EYA2: variants seen among roughly 807,000 people sequenced by gnomAD.
The protein encoded by EYA2 is protein phosphatase EYA2.
Under a neutral mutation model 69.2 loss-of-function variants are expected in EYA2, and 31 were observed. The observed-to-expected ratio is 0.45, with a 90% confidence interval of 0.34 to 0.60. The LOEUF is 0.60. Among genes scored for constraint, EYA2 ranks in the 20% least tolerant of loss-of-function variants. The pLI is 0.02. For synonymous variants in EYA2, 257 were observed against 279.4 expected (o/e 0.92, Z 0.80); for missense variants, 622 against 701.2 (o/e 0.89, Z 1.28).
intron 1 of EYA2, among the ~76,000 whole-genome samples, chr20:46,940,792 C>G (rs1986123066): frequency 6.6e-6 from 1 of 152,174 alleles, no homozygotes; most frequent in African/African-American, 2.4e-5. Flanking sequence ...TCCTGCTGAC[C>G]AGGCCTGAGC....
chr20:46,907,835 A>AAAACAAACAAACAAAC (rs60032049), intron 1 of EYA2, among the ~76,000 whole-genome samples: 1 of 150,346 alleles, frequency 6.7e-6, no homozygotes, highest in Non-Finnish European at 1.5e-5. Flanking sequence ...ACTCCATCTG[A>AAAACAAACAAACAAAC]AAACAAACAA....
At chr20:47,043,486 C>T (rs1219533696) in intron 5 of EYA2, among the ~76,000 whole-genome samples, 7 of 152,118 alleles carry the variant, frequency 4.6e-5, no homozygotes, top group South Asian at 2.1e-4. Context: ...GGGTGCAGGC[C>T]GCATTCTTTT....
intron 9 of EYA2, among the ~76,000 whole-genome samples, chr20:47,140,900 G>A (rs1252843903): frequency 6.6e-6 from 1 of 152,164 alleles, no homozygotes; most frequent in Non-Finnish European, 1.5e-5. Context: ...GGGAGTCAAC[G>A]TGTGCAAAGA....
intron 10 of EYA2, chr20:47,167,159 G>T (rs1271830006): frequency 6.5e-6 from 1 of 154,524 alleles, no homozygotes; most frequent in Non-Finnish European, 1.5e-5. Context: ...CTGAAAAGTG[G>T]GTGTATTTGT....
At chr20:46,926,548 GCCCACCCACTT>G (rs1317967617) in intron 1 of EYA2, among the ~76,000 whole-genome samples, 1 of 152,154 alleles carries the variant, frequency 6.6e-6, no homozygotes, top group East Asian at 1.9e-4. Flanking sequence ...ATTGGATGGT[GCCCACCCACTT>G]TGGGGAGGGC....
intron 10 of EYA2, among the ~76,000 whole-genome samples, chr20:47,158,187 G>A (rs1316654432): frequency 6.6e-6 from 1 of 151,936 alleles, no homozygotes; most frequent in Non-Finnish European, 1.5e-5. Flanking sequence ...CCTGCAAGCA[G>A]ATAGAATAAC....
At chr20:47,045,754 CA>C (rs2146424251) in intron 5 of EYA2, among the ~76,000 whole-genome samples, 1 of 152,304 alleles carries the variant, frequency 6.6e-6, no homozygotes, top group South Asian at 2.1e-4. Context: ...TTTTCAGCAT[CA>C]ATGGTATATG....
chr20:47,100,849 T>C (rs1469205459), intron 9 of EYA2, among the ~76,000 whole-genome samples: 1 of 152,236 alleles, frequency 6.6e-6, no homozygotes. Flanking sequence ...CAAGTTTATT[T>C]CACTCCCCTG....
chr20:47,135,506 GAGTTA>G (rs1476288714), intron 9 of EYA2, among the ~76,000 whole-genome samples: 1 of 151,300 alleles, frequency 6.6e-6, no homozygotes, highest in Non-Finnish European at 1.5e-5. Flanking sequence ...ATTCAGCCAG[GAGTTA>G]AGTTATGAAG....
intron 15 of EYA2, 75 bp downstream of exon 15, chr20:47,183,466 A>G (rs749959143): frequency 1.9e-5 from 26 of 1,346,988 alleles, no homozygotes; most frequent in Middle Eastern, 1.8e-4. Flanking sequence ...GGCTCCTTCC[A>G]TGATTTCCTC....
At chr20:46,938,383 A>T (rs1019692149) in intron 1 of EYA2, among the ~76,000 whole-genome samples, 2 of 152,246 alleles carry the variant, frequency 1.3e-5, no homozygotes, top group African/African-American at 4.8e-5. Flanking sequence ...AAGTTACCCC[A>T]AACTTTAATA....
At chr20:46,915,274 C>G (rs1984848914) in intron 1 of EYA2, among the ~76,000 whole-genome samples, 1 of 152,152 alleles carries the variant, frequency 6.6e-6, no homozygotes, top group Admixed American at 6.5e-5. Context: ...AAAAACACGC[C>G]CACTGCCTCC....
intron 4 of EYA2, among the ~76,000 whole-genome samples, chr20:47,006,373 C>T (rs558215823): frequency 2.0e-5 from 3 of 152,320 alleles, no homozygotes; most frequent in South Asian, 2.1e-4. Flanking sequence ...AGCCACTCCA[C>T]GTGACTTTAC....
chr20:47,055,954 G>A (rs1388889869), intron 5 of EYA2, among the ~76,000 whole-genome samples: 3 of 151,986 alleles, frequency 2.0e-5, no homozygotes, highest in South Asian at 2.1e-4. Context: ...GGCTCTTCCC[G>A]CCCCTGCTGC....
At chr20:47,021,865 T>C (rs1283641377) in intron 5 of EYA2, among the ~76,000 whole-genome samples, 2 of 152,024 alleles carry the variant, frequency 1.3e-5, no homozygotes, top group African/African-American at 4.8e-5. Flanking sequence ...GTGTTGGATT[T>C]AGAAAGTCTC....
chr20:47,186,171 T>C (rs2034635820), intron 15 of EYA2, among the ~76,000 whole-genome samples: 1 of 152,106 alleles, frequency 6.6e-6, no homozygotes, highest in Admixed American at 6.6e-5. Context: ...TGTTTATTTC[T>C]TATCTGTGGG....
At chr20:47,161,021 C>T (rs755402571) in intron 10 of EYA2, 2 of 320,970 alleles carry the variant, frequency 6.2e-6, no homozygotes, top group Non-Finnish European at 1.2e-5. Flanking sequence ...TCAAAGGTGG[C>T]CTTGGCGAAG....
intron 5 of EYA2, among the ~76,000 whole-genome samples, chr20:47,045,021 A>T (rs930980906): frequency 6.6e-6 from 1 of 152,204 alleles, no homozygotes; most frequent in Non-Finnish European, 1.5e-5. Flanking sequence ...GCCTGGGGAA[A>T]TACTAAGCCC....
intron 1 of EYA2, among the ~76,000 whole-genome samples, chr20:46,904,579 A>C (rs1984266654): frequency 2.0e-5 from 3 of 152,076 alleles, no homozygotes; most frequent in African/African-American, 2.4e-5. Context: ...TTTCCCCTAA[A>C]ATAAAAGGGA....
Sources: allele counts gnomAD v4.1 joint callset (sites outside exome capture counted in the v4.1 genomes callset), GRCh38; gene constraint gnomAD v4.1.1; transcripts MANE v1.5; gene names NCBI Gene and HGNC (gene_info 2026-07-23, HGNC 2026-07-21).